TAFA1: variants seen among roughly 807,000 people sequenced by gnomAD.
The protein encoded by TAFA1 is TAFA chemokine like family member 1.
TAFA1 carries 4 observed loss-of-function variants against 18.5 expected under a neutral mutation model. That is an observed-to-expected ratio of 0.22 (90% CI 0.11 to 0.49). The LOEUF is 0.49. TAFA1 is among the 20% of genes least tolerant of loss of function. TAFA1 has a pLI of 0.98. For missense variants in TAFA1, 147 were observed against 169.0 expected (o/e 0.87, Z 0.72); for synonymous variants, 56 against 55.2 (o/e 1.01, Z -0.06).
chr3:68,225,980 CATG>C (rs1295209912), intron 2 of TAFA1, among the ~76,000 whole-genome samples: 2 of 152,034 alleles, frequency 1.3e-5, no homozygotes, highest in African/African-American at 2.4e-5. Flanking sequence ...GTAGTTGAGA[CATG>C]ATGTTAAAGA....
intron 3 of TAFA1, among the ~76,000 whole-genome samples, chr3:68,529,867 T>C (rs1233259033): frequency 6.6e-6 from 1 of 152,144 alleles, no homozygotes; most frequent in Non-Finnish European, 1.5e-5. Context: ...ATTTCTAACA[T>C]TGGAGATCAA....
chr3:68,155,373 A>T (rs911399121), intron 2 of TAFA1, among the ~76,000 whole-genome samples: 3 of 152,204 alleles, frequency 2.0e-5, no homozygotes, highest in African/African-American at 7.2e-5. Context: ...TATGCCAGGT[A>T]TTACGTTAGT....
the TAFA1 span, among the ~76,000 whole-genome samples, chr3:67,996,068 G>C: frequency 3.2e-3 from 492 of 152,310 alleles, 5 homozygotes; most frequent in African/African-American, 0.011. Flanking sequence ...CACATTAAAG[G>C]CCTTAAATCT....
intron 2 of TAFA1, among the ~76,000 whole-genome samples, chr3:68,052,983 A>G (rs1350948793): frequency 2.0e-5 from 3 of 152,302 alleles, no homozygotes; most frequent in Non-Finnish European, 4.4e-5. Context: ...CTTGCATTGG[A>G]CAGGAAATGT....
chr3:68,261,779 G>A (rs535927906), intron 2 of TAFA1, among the ~76,000 whole-genome samples: 1 of 152,056 alleles, frequency 6.6e-6, no homozygotes, highest in Non-Finnish European at 1.5e-5. Context: ...GGTGGAGGGA[G>A]TGGGGAGGGA....
chr3:68,149,182 A>G (rs1455913397), intron 2 of TAFA1, among the ~76,000 whole-genome samples: 1 of 152,190 alleles, frequency 6.6e-6, no homozygotes, highest in African/African-American at 2.4e-5. Context: ...ATTAATAGTT[A>G]AATTTTCCCT....
At chr3:68,481,707 G>GCACAATTCCTA (rs2072240072) in intron 3 of TAFA1, among the ~76,000 whole-genome samples, 1 of 152,084 alleles carries the variant, frequency 6.6e-6, no homozygotes, top group South Asian at 2.1e-4. Context: ...CTAGCACATA[G>GCACAATTCCTA]GCATATATCA....
At chr3:68,008,169 C>T (rs564161094) in intron 2 of TAFA1, among the ~76,000 whole-genome samples, 116 of 152,346 alleles carry the variant, frequency 7.6e-4, no homozygotes, top group African/African-American at 2.7e-3. Context: ...AAACCGCCCT[C>T]TTCAGGACGC....
At chr3:68,514,164 C>A (rs540155846) in intron 3 of TAFA1, among the ~76,000 whole-genome samples, 77 of 152,296 alleles carry the variant, frequency 5.1e-4, no homozygotes, top group African/African-American at 1.8e-3. Context: ...CTAACACTAT[C>A]ACTTTGGAGG....
At chr3:68,045,833 A>C (rs1559715554) in intron 2 of TAFA1, among the ~76,000 whole-genome samples, 1 of 152,180 alleles carries the variant, frequency 6.6e-6, no homozygotes, top group Non-Finnish European at 1.5e-5. Context: ...CCATTTTGAA[A>C]ATTAACAAAG....
chr3:68,083,751 T>TTGTTTC (rs922726682), intron 2 of TAFA1, among the ~76,000 whole-genome samples: 2 of 152,238 alleles, frequency 1.3e-5, no homozygotes, highest in Non-Finnish European at 2.9e-5. Flanking sequence ...GCATCTTTTC[T>TTGTTTC]TGTTTCTGGT....
intron 2 of TAFA1, among the ~76,000 whole-genome samples, chr3:68,097,262 G>A (rs1353417747): frequency 1.3e-5 from 2 of 152,108 alleles, no homozygotes; most frequent in Non-Finnish European, 2.9e-5. Context: ...TTTTATACAT[G>A]AAACTTTTTT....
intron 2 of TAFA1, among the ~76,000 whole-genome samples, chr3:68,131,050 G>A (rs2065530163): frequency 6.6e-6 from 1 of 152,140 alleles, no homozygotes; most frequent in Non-Finnish European, 1.5e-5. Flanking sequence ...ACTGGATAAT[G>A]CATGGCATAT....
rs143655662 is a variant in TAFA1, at chr3:68,240,555, T to A, written c.119-176725T>A. ...AAGGAGCACCATGCTCACCCTTGCATCGGGTTTATATGACCTTTGACTATA... is the reference window on the plus strand; with the variant it reads ...AAGGAGCACCATGCTCACCCTTGCAACGGGTTTATATGACCTTTGACTATA... On this transcript the variant is annotated intron_variant, in intron 2 of 4. Transcript: ENST00000478136. 3.9e-3 allele frequency among the ~76,000 whole-genome samples: 597 copies of A among 152,254 alleles called. 4 individuals carry two copies. Among genetic ancestry groups the A allele is most frequent in the African/African-American group, 0.013 (559 of 41,564 alleles).
At chr3:68,440,206 T>A (rs2071349080) in intron 3 of TAFA1, among the ~76,000 whole-genome samples, 1 of 152,080 alleles carries the variant, frequency 6.6e-6, no homozygotes, top group Non-Finnish European at 1.5e-5. Flanking sequence ...AACAGAAGTT[T>A]CCCTGCACGA....
At chr3:68,066,977 TAA>T (rs1053030726) in intron 2 of TAFA1, among the ~76,000 whole-genome samples, 6 of 152,174 alleles carry the variant, frequency 3.9e-5, no homozygotes, top group African/African-American at 1.4e-4. Context: ...GTCAATGCTG[TAA>T]AGTCTTTGAC....
intron 2 of TAFA1, among the ~76,000 whole-genome samples, chr3:68,392,818 G>C (rs1375334973): frequency 6.6e-6 from 1 of 152,146 alleles, no homozygotes; most frequent in Non-Finnish European, 1.5e-5. Flanking sequence ...TGAACACAAA[G>C]ACACAACGTA....
At chr3:68,384,842 C>G (rs575123489) in intron 2 of TAFA1, among the ~76,000 whole-genome samples, 2 of 151,904 alleles carry the variant, frequency 1.3e-5, no homozygotes, top group African/African-American at 4.8e-5. Flanking sequence ...TATGAATCTG[C>G]GTGCTTCTGC....
At chr3:68,257,425 G>A (rs2107182864) in intron 2 of TAFA1, among the ~76,000 whole-genome samples, 1 of 151,706 alleles carries the variant, frequency 6.6e-6, no homozygotes, top group South Asian at 2.1e-4. Context: ...TAAAGCCATG[G>A]ACGGTGTCCA....
Sources: gnomAD v4.1 joint callset for allele counts (sites outside exome capture counted in the v4.1 genomes callset) on GRCh38, gnomAD v4.1.1 for gene constraint, MANE v1.5 for transcripts, NCBI Gene and HGNC (gene_info 2026-07-23, HGNC 2026-07-21) for gene names.